SCAPER: variants seen among roughly 807,000 people sequenced by gnomAD.
The protein encoded by SCAPER is S phase cyclin A-associated protein in the endoplasmic reticulum.
A neutral mutation model predicts 182.2 loss-of-function variants in SCAPER; 98 were observed. The ratio of observed to expected loss-of-function variants is 0.54; its 90% CI spans 0.46 to 0.64. The LOEUF is 0.64. Among genes scored for constraint, SCAPER ranks in the 30% least tolerant of loss-of-function variants. SCAPER has a pLI of 0.00. For synonymous variants in SCAPER, 605 were observed against 564.6 expected, an observed-to-expected ratio of 1.07 and a Z score of -1.01; for missense variants, 1,432 against 1,690.0, an observed-to-expected ratio of 0.85 and a Z score of 2.68.
intron 23 of SCAPER, among the ~76,000 whole-genome samples, chr15:76,513,158 T>C (rs1316335800): frequency 6.6e-6 from 1 of 152,342 alleles, no homozygotes; most frequent in East Asian, 1.9e-4. Context: ...GACTCATCTT[T>C]GCAGCCCCAG....
At chr15:76,855,286 T>G (rs2151850670) in intron 4 of SCAPER, among the ~76,000 whole-genome samples, 1 of 152,094 alleles carries the variant, frequency 6.6e-6, no homozygotes. Context: ...CAAGATGGAT[T>G]AAAGACTTAA....
At chr15:76,861,751 A>C (rs962581852) in intron 3 of SCAPER, 3 of 152,224 alleles carry the variant, frequency 2.0e-5, no homozygotes, top group African/African-American at 7.2e-5. Flanking sequence ...TAATAAAAGA[A>C]AAAACCTAAA....
intron 2 of SCAPER, among the ~76,000 whole-genome samples, chr15:76,882,530 A>T (rs1244898059): frequency 2.0e-5 from 3 of 152,242 alleles, no homozygotes; most frequent in Non-Finnish European, 4.4e-5. Context: ...TTATGACCAA[A>T]AGACCCAAAA....
chr15:76,360,011 G>A (rs2041287292), intron 29 of SCAPER, among the ~76,000 whole-genome samples: 1 of 152,146 alleles, frequency 6.6e-6, no homozygotes, highest in African/African-American at 2.4e-5. Flanking sequence ...CCTTAGGTCT[G>A]CACATTAAGT....
chr15:76,698,331 C>T (rs2058758202), intron 20 of SCAPER, among the ~76,000 whole-genome samples: 1 of 152,052 alleles, frequency 6.6e-6, no homozygotes, highest in South Asian at 2.1e-4. Context: ...TTATAAATAA[C>T]CTTAACTATA....
At chr15:76,393,382 AT>A (rs1480574798) in intron 27 of SCAPER, among the ~76,000 whole-genome samples, 1 of 152,212 alleles carries the variant, frequency 6.6e-6, no homozygotes, top group African/African-American at 2.4e-5. Flanking sequence ...GTCCTGTTAC[AT>A]TCACTTCATT....
intron 24 of SCAPER, among the ~76,000 whole-genome samples, chr15:76,487,252 T>G (rs2051743298): frequency 6.7e-6 from 1 of 150,292 alleles, no homozygotes; most frequent in African/African-American, 2.5e-5. Flanking sequence ...AATACCTGGG[T>G]GATGAAATAA....
At chr15:76,830,571 TGTGAG>T (rs1035663373) in intron 5 of SCAPER, among the ~76,000 whole-genome samples, 3 of 151,866 alleles carry the variant, frequency 2.0e-5, no homozygotes, top group African/African-American at 7.3e-5. Flanking sequence ...TGAGTGGTTT[TGTGAG>T]GTGAGGGGAG....
chr15:76,582,241 T>C (rs1367189368), intron 22 of SCAPER, among the ~76,000 whole-genome samples: 5 of 152,176 alleles, frequency 3.3e-5, no homozygotes, highest in South Asian at 2.1e-4. Context: ...TTAGAACTAA[T>C]AAACAAATTT....
intron 17 of SCAPER, among the ~76,000 whole-genome samples, chr15:76,711,201 G>A (rs772803704): frequency 2.4e-4 from 37 of 152,098 alleles, no homozygotes; most frequent in Admixed American, 1.4e-3. Context: ...TGATATACTG[G>A]ACATCATCAA....
intron 23 of SCAPER, among the ~76,000 whole-genome samples, chr15:76,535,019 T>C (rs764979898): frequency 6.6e-6 from 1 of 152,144 alleles, no homozygotes. Context: ...AATAAATCTA[T>C]TAAAAGTCAG....
chr15:76,615,390 G>A lies in SCAPER; in HGVS notation c.2711+6374C>T, dbSNP rs142696855. 5.3e-3 allele frequency among the ~76,000 whole-genome samples: 806 copies of A among 151,688 alleles called. 6 individuals are homozygous for A. The highest frequency in any genetic ancestry group is 0.019 in the African/African-American group (782 of 41,328). ...GAACCCGGGAGGCAGAGATTGCAGT[G>A]AGCTGAGATCGCGCCACTGCACTCT... On this transcript the variant is annotated intron_variant, in intron 22 of 31. Transcript: ENST00000563290.
At chr15:76,600,440 C>CAT (rs202157122) in intron 22 of SCAPER, among the ~76,000 whole-genome samples, 4 of 49,686 alleles carry the variant, frequency 8.1e-5, no homozygotes, top group African/African-American at 1.9e-4. Context: ...TATACATATA[C>CAT]ATATATATAT....
At chr15:76,651,556 T>A (rs2055038644) in intron 21 of SCAPER, among the ~76,000 whole-genome samples, 2 of 146,780 alleles carry the variant, frequency 1.4e-5, no homozygotes, top group Admixed American at 1.4e-4. Flanking sequence ...AAGACTGAAT[T>A]AGGAAGAGAT....
At chr15:76,842,651 C>T (rs2069593448) in intron 4 of SCAPER, among the ~76,000 whole-genome samples, 1 of 152,148 alleles carries the variant, frequency 6.6e-6, no homozygotes, top group African/African-American at 2.4e-5. Context: ...AAACCAATCC[C>T]CCATGGATAC....
At chr15:76,351,868 A>T (rs1045554124) in intron 30 of SCAPER, among the ~76,000 whole-genome samples, 1 of 152,232 alleles carries the variant, frequency 6.6e-6, no homozygotes, top group Non-Finnish European at 1.5e-5. Context: ...CACTTGATTT[A>T]ACTCTACAAG....
rs781538300 is a variant in SCAPER at position 76,795,482 on chromosome 15, A to T, written c.612-42T>A. The T allele has an allele frequency of 5.8e-6, 8 of 1,382,838 alleles. No homozygotes were observed. In the South Asian group the frequency reaches 1.2e-4, roughly 21 times the overall value. 85.7% of individuals were successfully genotyped at this position (1,382,838 alleles called of 1,614,324 possible). A position where few individuals can be genotyped will look rare whatever the true frequency, so the allele number is the denominator to read the frequency against. On this transcript the variant is annotated intron_variant, in intron 7 of 31. Coordinates refer to ENST00000563290, the MANE Select transcript of SCAPER (RefSeq NM_020843.4). ...ACACATTTAATAAATTAAATATAAA[A>T]GAAAAACTTCTGAATATATGCTAAA... is the stretch of plus-strand genomic sequence containing the variant.
intron 26 of SCAPER, among the ~76,000 whole-genome samples, chr15:76,432,155 A>C (rs914273851): frequency 6.6e-6 from 1 of 152,222 alleles, no homozygotes; most frequent in Non-Finnish European, 1.5e-5. Context: ...AGGGTAGCCC[A>C]AGGGAGAATG....
intron 23 of SCAPER, among the ~76,000 whole-genome samples, chr15:76,559,201 A>ATTTTTTTTTT (rs58642207): frequency 9.9e-5 from 12 of 121,804 alleles, no homozygotes; most frequent in Admixed American, 2.4e-4. Context: ...CACCCAGCTA[A>ATTTTTTTTTT]TTTTTTTTTT....
Sources: allele counts gnomAD v4.1 joint callset (sites outside exome capture counted in the v4.1 genomes callset), GRCh38; gene constraint gnomAD v4.1.1; transcripts MANE v1.5; gene names NCBI Gene and HGNC (gene_info 2026-07-23, HGNC 2026-07-21).